TMTC1: variants seen among roughly 807,000 people sequenced by gnomAD.
TMTC1 encodes transmembrane O-mannosyltransferase targeting cadherins 1, also known as protein O-mannosyl-transferase TMTC1.
In TMTC1, 73 loss-of-function variants were observed where a neutral mutation model predicts 104.8. The ratio of observed to expected loss-of-function variants is 0.70; its 90% CI spans 0.58 to 0.85. The LOEUF (loss-of-function observed/expected upper bound fraction) is 0.85, where lower values mean the gene tolerates loss of function less well. TMTC1 is among the 40% of genes least tolerant of loss of function. The pLI is 0.00. For missense variants in TMTC1, 1,035 were observed against 1,096.1 expected (o/e 0.94, Z 0.79); for synonymous variants, 434 against 428.7 (o/e 1.01, Z -0.15).
chr12:29,645,060 C>A (rs997574777), intron 5 of TMTC1, among the ~76,000 whole-genome samples: 2 of 152,274 alleles, frequency 1.3e-5, no homozygotes, highest in South Asian at 4.1e-4. Flanking sequence ...GGAGCAGTGA[C>A]TATGTCTGTC....
At chr12:29,559,675 C>T (rs867925578) in intron 9 of TMTC1, among the ~76,000 whole-genome samples, 2 of 152,128 alleles carry the variant, frequency 1.3e-5, no homozygotes, top group African/African-American at 2.4e-5. Flanking sequence ...TCCCCAACTC[C>T]TCAAGGAAGG....
At chr12:29,569,422 C>T (rs966273188) in intron 9 of TMTC1, among the ~76,000 whole-genome samples, 5 of 152,104 alleles carry the variant, frequency 3.3e-5, no homozygotes, top group African/African-American at 9.7e-5. Context: ...CAGATAATAG[C>T]GCCTTTAACA....
intron 6 of TMTC1, among the ~76,000 whole-genome samples, chr12:29,622,537 T>C (rs1937729573): frequency 6.6e-6 from 1 of 152,196 alleles, no homozygotes; most frequent in Non-Finnish European, 1.5e-5. Flanking sequence ...TTTTCAGCCG[T>C]GGTTCTCCTG....
intron 10 of TMTC1, among the ~76,000 whole-genome samples, chr12:29,541,226 C>A (rs572859286): frequency 2.0e-5 from 3 of 152,298 alleles, no homozygotes; most frequent in South Asian, 4.1e-4. Flanking sequence ...AAGAAAATCA[C>A]AGGCACCGCA....
chr12:29,606,117 G>A (rs983011235), intron 6 of TMTC1, among the ~76,000 whole-genome samples: 8 of 152,160 alleles, frequency 5.3e-5, no homozygotes, highest in African/African-American at 9.7e-5. Flanking sequence ...CACTGTTGAC[G>A]AGTATCTAGG....
At chr12:29,681,099 CAAA>C (rs71045827) in intron 5 of TMTC1, among the ~76,000 whole-genome samples, 1,789 of 107,202 alleles carry the variant, frequency 0.017, 29 homozygotes, top group African/African-American at 0.048. Context: ...ACCCTGTCTC[CAAA>C]AAAAAAAAAA....
chr12:29,532,978 C>T (rs564830716), intron 11 of TMTC1: 12 of 152,198 alleles, frequency 7.9e-5, no homozygotes, highest in East Asian at 3.9e-4. Context: ...TCTTTTTCCA[C>T]GATATTCTAT....
chr12:29,756,264 C>A (rs991823107), intron 3 of TMTC1, among the ~76,000 whole-genome samples: 1 of 152,206 alleles, frequency 6.6e-6, no homozygotes, highest in South Asian at 2.1e-4. Context: ...CGTCAATTAA[C>A]AGGATAATAT....
intron 11 of TMTC1, among the ~76,000 whole-genome samples, chr12:29,527,801 A>T (rs1413345545): frequency 6.6e-6 from 1 of 152,100 alleles, no homozygotes; most frequent in African/African-American, 2.4e-5. Flanking sequence ...TATCTTTTTC[A>T]TCTAAATCTT....
chr12:29,510,438 G>A (rs1057307066), intron 17 of TMTC1, among the ~76,000 whole-genome samples: 26 of 152,150 alleles, frequency 1.7e-4, no homozygotes, highest in African/African-American at 4.3e-4. Flanking sequence ...TAAAATTATC[G>A]TTTTACTCTT....
rs73266100 is a variant in TMTC1 at position 29,604,201 on chromosome 12, C to T, written c.1227G>A (p.Ala409=). The T allele has an allele frequency of 6.7e-3, 10,824 of 1,613,814 alleles. 99 individuals carry two copies. Among genetic ancestry groups the T allele is most frequent in the African/African-American group, 0.041 (3,055 of 74,998 alleles). ...ACCTAGGCATGTAAAGGACTCTCTCCGCCACCACAAAACCCACCCTGAAGA... is the reference window on the plus strand; with the variant it reads ...ACCTAGGCATGTAAAGGACTCTCTCTGCCACCACAAAACCCACCCTGAAGA... The part of the protein sequence containing the change: ...NLFFRVGFVV[A]ERVLYMPSMG... The change falls in exon 7 of 18, where the codon GCG becomes GCA. Residue 409 remains alanine (A), a synonymous_variant. Coordinates refer to ENST00000539277, the MANE Select transcript of TMTC1 (RefSeq NM_001193451.2).
chr12:29,572,020 C>T (rs1310933641), intron 9 of TMTC1, 85 bp downstream of exon 9: 10 of 1,049,148 alleles, frequency 9.5e-6, no homozygotes, highest in Middle Eastern at 2.1e-4. Flanking sequence ...AAACAAACTC[C>T]CTCTCCATAT....
At chr12:29,642,652 G>A (rs1373120837) in intron 5 of TMTC1, among the ~76,000 whole-genome samples, 2 of 151,998 alleles carry the variant, frequency 1.3e-5, no homozygotes, top group Non-Finnish European at 2.9e-5. Flanking sequence ...TAGGCCAGGC[G>A]CAGTGGCTCA....
intron 7 of TMTC1, among the ~76,000 whole-genome samples, chr12:29,589,975 T>C (rs1946237465): frequency 6.6e-6 from 1 of 152,192 alleles, no homozygotes. Context: ...ATCTGGAAGC[T>C]CAGTGCCCTA....
intron 5 of TMTC1, among the ~76,000 whole-genome samples, 194 bp downstream of exon 5, chr12:29,751,472 C>T (rs1943088374): frequency 6.6e-6 from 1 of 152,092 alleles, no homozygotes; most frequent in African/African-American, 2.4e-5. Flanking sequence ...CTAACTACTC[C>T]TTTCTTATCC....
intron 1 of TMTC1, among the ~76,000 whole-genome samples, chr12:29,776,785 G>C (rs1377824279): frequency 1.3e-5 from 2 of 152,166 alleles, no homozygotes; most frequent in African/African-American, 4.8e-5. Flanking sequence ...AAGGCCTCCG[G>C]GATGAAGTGA....
At chr12:29,676,770 G>C (rs1378643375) in intron 5 of TMTC1, among the ~76,000 whole-genome samples, 1 of 152,198 alleles carries the variant, frequency 6.6e-6, no homozygotes. Flanking sequence ...ATGAGAAACT[G>C]ATAGAAGATG....
At chr12:29,594,721 G>A (rs905123090) in intron 7 of TMTC1, among the ~76,000 whole-genome samples, 6 of 152,106 alleles carry the variant, frequency 3.9e-5, no homozygotes, top group African/African-American at 9.7e-5. Context: ...GCAAAGTTAC[G>A]GCCCACTTTG....
intron 6 of TMTC1, among the ~76,000 whole-genome samples, chr12:29,630,369 C>T (rs1938234473): frequency 6.6e-6 from 1 of 152,092 alleles, no homozygotes; most frequent in African/African-American, 2.4e-5. Context: ...AGAAAAACCC[C>T]TAATAAAACC....
Sources: allele counts gnomAD v4.1 joint callset (sites outside exome capture counted in the v4.1 genomes callset), GRCh38; gene constraint gnomAD v4.1.1; transcripts MANE v1.5; gene names NCBI Gene and HGNC (gene_info 2026-07-23, HGNC 2026-07-21).